Variants in TINAG observed in about 807,000 individuals in gnomAD.
The protein encoded by TINAG is tubulointerstitial nephritis antigen.
A neutral mutation model predicts 72.7 loss-of-function variants in TINAG; 83 were observed. The observed-to-expected ratio is 1.14, with a 90% confidence interval of 0.96 to 1.37. TINAG has a LOEUF of 1.37. TINAG is among the 40% of genes most tolerant of loss of function. The pLI, the probability that TINAG is intolerant of heterozygous loss-of-function variation, is 0.00. For synonymous variants in TINAG, 234 were observed against 189.9 expected (o/e 1.23, Z -1.91); for missense variants, 685 against 576.6 (o/e 1.19, Z -1.93).
At chr6:54,316,479 G>A (rs1249277370) in intron 1 of TINAG, among the ~76,000 whole-genome samples, 2 of 152,122 alleles carry the variant, frequency 1.3e-5, no homozygotes, top group African/African-American at 2.4e-5. Context: ...GGTAATGGAA[G>A]CACTTGCAGC....
chr6:54,380,931 A>T (rs1763927183), intron 10 of TINAG, among the ~76,000 whole-genome samples: 1 of 148,684 alleles, frequency 6.7e-6, no homozygotes, highest in African/African-American at 2.5e-5. Flanking sequence ...TGTTAGTATC[A>T]TATATATACA....
At chr6:54,340,800 A>G (rs1314058729) in intron 4 of TINAG, among the ~76,000 whole-genome samples, 2 of 152,098 alleles carry the variant, frequency 1.3e-5, no homozygotes, top group Non-Finnish European at 2.9e-5. Flanking sequence ...TCTTATTGAG[A>G]CGGATTCACC....
At chr6:54,350,352 T>A (rs1264254837) in intron 7 of TINAG, among the ~76,000 whole-genome samples, 1 of 151,978 alleles carries the variant, frequency 6.6e-6, no homozygotes, top group Non-Finnish European at 1.5e-5. Flanking sequence ...CGAATTTACT[T>A]CTTCATATCA....
intron 9 of TINAG, among the ~76,000 whole-genome samples, chr6:54,355,641 G>A (rs1399872975): frequency 6.6e-6 from 1 of 151,386 alleles, no homozygotes; most frequent in Non-Finnish European, 1.5e-5. Context: ...GAAAATACAT[G>A]TATCTTAGGA....
At chr6:54,346,408 G>C (rs866832398) in intron 5 of TINAG, among the ~76,000 whole-genome samples, 49 of 151,646 alleles carry the variant, frequency 3.2e-4, no homozygotes, top group African/African-American at 1.2e-3. Flanking sequence ...ATAATAAAAA[G>C]TTTGTGTGTG....
At chr6:54,329,868 G>A (rs1386889901) in intron 4 of TINAG, among the ~76,000 whole-genome samples, 2 of 151,946 alleles carry the variant, frequency 1.3e-5, no homozygotes, top group Non-Finnish European at 2.9e-5. Context: ...GATCAAAAAA[G>A]ACCAAGAAGG....
In TINAG at chr6:54,308,675, T is replaced by TG; in HGVS notation, c.126dup (p.Gln43AlafsTer16). 1 of 1,613,866 alleles carries TG rather than the reference T, an allele frequency of 6.2e-7. No individual in the cohort carries two copies. Among genetic ancestry groups the TG allele is most frequent in the Non-Finnish European group, 8.5e-7 (1 of 1,179,854 alleles). ...TATTTCACTAGGAATCACACCGTTT[T>TG]GCAAGGTACTCGATTCAAAAGAGCC... On this transcript the variant is annotated frameshift_variant, in exon 1 of 11. Coordinates refer to ENST00000259782, the MANE Select transcript of TINAG (RefSeq NM_014464.4). LOFTEE classifies it high-confidence loss of function.
chr6:54,338,835 C>A (rs1478134685), intron 4 of TINAG, among the ~76,000 whole-genome samples: 2 of 151,444 alleles, frequency 1.3e-5, no homozygotes, highest in Non-Finnish European at 2.9e-5. Flanking sequence ...ACATTTAACA[C>A]CATGAACATT....
At chr6:54,329,158 G>A (rs530425975) in intron 4 of TINAG, among the ~76,000 whole-genome samples, 4 of 151,882 alleles carry the variant, frequency 2.6e-5, no homozygotes, top group East Asian at 1.9e-4. Context: ...GAGCAAGCCC[G>A]AGACACATAA....
At chr6:54,337,628 A>G (rs1784897879) in intron 4 of TINAG, among the ~76,000 whole-genome samples, 1 of 152,170 alleles carries the variant, frequency 6.6e-6, no homozygotes. Flanking sequence ...GCAATACCAT[A>G]TGTCACCCTT....
At chr6:54,367,290 TAAAG>T (rs1043529336) in intron 9 of TINAG, 8 of 151,676 alleles carry the variant, frequency 5.3e-5, no homozygotes, top group Non-Finnish European at 1.2e-4. Flanking sequence ...GTGACCAAAG[TAAAG>T]AAAGAGGATT....
At chr6:54,387,927 T>C (rs931690427) in intron 10 of TINAG, among the ~76,000 whole-genome samples, 2 of 152,132 alleles carry the variant, frequency 1.3e-5, no homozygotes, top group African/African-American at 4.8e-5. Context: ...ATTTTTACAG[T>C]GTCTTACTCT....
chr6:54,327,758 G>C (rs1416883324), intron 4 of TINAG, among the ~76,000 whole-genome samples: 2 of 152,138 alleles, frequency 1.3e-5, no homozygotes, highest in Non-Finnish European at 2.9e-5. Flanking sequence ...GGACACTCGA[G>C]CGTGGTGGAG....
intron 9 of TINAG, among the ~76,000 whole-genome samples, chr6:54,364,516 G>A (rs959386270): frequency 1.3e-4 from 20 of 151,184 alleles, no homozygotes; most frequent in African/African-American, 4.1e-4. Context: ...ATTAATAGAA[G>A]TTTATTTTTT....
chr6:54,309,774 G>T (rs1784196096), intron 1 of TINAG, among the ~76,000 whole-genome samples: 1 of 150,698 alleles, frequency 6.6e-6, no homozygotes, highest in Non-Finnish European at 1.5e-5. Flanking sequence ...ACATTTTAGG[G>T]TAAACTAGGG....
intron 9 of TINAG, among the ~76,000 whole-genome samples, chr6:54,361,966 A>G (rs555110065): frequency 1.3e-5 from 2 of 151,778 alleles, no homozygotes; most frequent in Admixed American, 1.3e-4. Context: ...AAGACTGACA[A>G]AGGTGAGTAA....
intron 9 of TINAG, among the ~76,000 whole-genome samples, chr6:54,374,405 T>C (rs1275827576): frequency 6.6e-6 from 1 of 152,074 alleles, no homozygotes; most frequent in Non-Finnish European, 1.5e-5. Context: ...GAAAATTAAG[T>C]GGTGGTAGGG....
chr6:54,329,477 C>A (rs1162632395), intron 4 of TINAG, among the ~76,000 whole-genome samples: 2 of 151,962 alleles, frequency 1.3e-5, no homozygotes, highest in African/African-American at 4.8e-5. Flanking sequence ...AAAGAAAGCA[C>A]TAAATATAGA....
chr6:54,387,997 A>G (rs866137747), intron 10 of TINAG, among the ~76,000 whole-genome samples: 1 of 152,178 alleles, frequency 6.6e-6, no homozygotes, highest in African/African-American at 2.4e-5. Flanking sequence ...ACATAAATGC[A>G]CATTTGCTTA....
Sources: allele counts gnomAD v4.1 joint callset (sites outside exome capture counted in the v4.1 genomes callset), GRCh38; gene constraint gnomAD v4.1.1; transcripts MANE v1.5; gene names NCBI Gene and HGNC (gene_info 2026-07-23, HGNC 2026-07-21).